The following SPRY3 variants were observed in gnomAD, a reference collection of about 807,000 sequenced individuals.
The protein encoded by SPRY3 is protein sprouty homolog 3.
Under a neutral mutation model 20.2 loss-of-function variants are expected in SPRY3, and 15 were observed. That is an observed-to-expected ratio of 0.74 (90% CI 0.50 to 1.14). The LOEUF (loss-of-function observed/expected upper bound fraction) is 1.14. Ranked by LOEUF, SPRY3 falls within the 50% of genes most tolerant of loss-of-function variation. The probability of loss-of-function intolerance (pLI) is 0.00; values close to 1 mark genes in which losing one functional copy is unlikely to be tolerated. For synonymous variants in SPRY3, 143 were observed against 136.5 expected, an observed-to-expected ratio of 1.05 and a Z score of -0.33; for missense variants, 364 against 363.9, an observed-to-expected ratio of 1.00 and a Z score of 0.00.
Position 155,774,842 on chromosome X carries a change from T to G in SPRY3, c.*104T>G, listed in dbSNP as rs2091413357. The G allele has an allele frequency of 3.0e-6, 4 of 1,329,562 alleles. No individual in the cohort carries two copies. The Admixed American group carries it at 9.1e-5, about 30-fold the overall frequency. 82.4% of individuals were successfully genotyped at this position (1,329,562 alleles called of 1,614,324 possible). ...GGAGGAGTGATAAACTAGCCAAAGT[T>G]AGGGCCTCTCTTTTGTTCCTGCAGT... On this transcript the variant is annotated 3_prime_UTR_variant, in exon 4 of 4. Transcript: ENST00000675360.
intron 1 of SPRY3, among the ~76,000 whole-genome samples, chrX:155,645,745 T>C (rs2067955768): frequency 8.9e-6 from 1 of 112,215 alleles, no homozygotes; most frequent in Non-Finnish European, 1.9e-5. Flanking sequence ...TCCTATTCTC[T>C]TTAGTGCCTC....
chrX:155,715,676 T>A (rs186289258), intron 2 of SPRY3, among the ~76,000 whole-genome samples: 1 of 151,118 alleles, frequency 6.6e-6, no homozygotes, highest in Non-Finnish European at 1.5e-5. Flanking sequence ...TCATGTCCTT[T>A]CAAGGACCCT....
chrX:155,729,961 T>C (rs1056674652), intron 2 of SPRY3, among the ~76,000 whole-genome samples: 4 of 152,090 alleles, frequency 2.6e-5, no homozygotes, highest in African/African-American at 7.2e-5. Context: ...CTAGAATAAA[T>C]AGATAAATTC....
At chrX:155,773,307 G>GTTATATAT (rs4013148) in intron 3 of SPRY3, among the ~76,000 whole-genome samples, 2,178 of 120,606 alleles carry the variant, frequency 0.018, 47 homozygotes, top group East Asian at 0.034. Flanking sequence ...ATTTTGATTG[G>GTTATATAT]ATATATATAT....
chrX:155,753,431 C>A (rs1450375039), intron 2 of SPRY3, among the ~76,000 whole-genome samples: 1 of 151,830 alleles, frequency 6.6e-6, no homozygotes, highest in African/African-American at 2.4e-5. Flanking sequence ...GTGCTTCGTC[C>A]TTTTGTGTCT....
chrX:155,690,663 C>A (rs973605294), intron 2 of SPRY3, among the ~76,000 whole-genome samples: 2 of 87,113 alleles, frequency 2.3e-5, no homozygotes, highest in Admixed American at 1.2e-4. Flanking sequence ...TATATATTCA[C>A]CCAATACAGG....
chrX:155,614,592 A>G (rs1015188363), intron 1 of SPRY3, among the ~76,000 whole-genome samples: 6 of 111,817 alleles, frequency 5.4e-5, no homozygotes, highest in Admixed American at 9.5e-5. Context: ...AGGCACAGAT[A>G]GGTTAAGCAA....
exon 4 of SPRY3, chrX:155,774,128 G>A: frequency 6.2e-6 from 10 of 1,613,980 alleles, no homozygotes; most frequent in Non-Finnish European, 6.8e-6. Context: ...AGCATTGCCA[G>A]CTCAATGTCC....
downstream of SPRY3, chrX:155,779,754 A>C (rs2091452578): frequency 6.0e-6 from 1 of 167,022 alleles, no homozygotes; most frequent in African/African-American, 2.4e-5. Flanking sequence ...CTTTTTAAAA[A>C]ATATTTCAGC....
intron 2 of SPRY3, among the ~76,000 whole-genome samples, chrX:155,673,647 TTCTGCCTTG>T (rs2068050847): frequency 8.9e-6 from 1 of 112,250 alleles, no homozygotes; most frequent in African/African-American, 3.2e-5. Flanking sequence ...TCTCATCCAT[TTCTGCCTTG>T]CTTGGGCACC....
chrX:155,738,878 A>T (rs1218532826), intron 2 of SPRY3, among the ~76,000 whole-genome samples: 3 of 152,144 alleles, frequency 2.0e-5, no homozygotes, highest in African/African-American at 7.2e-5. Context: ...TCATTTGTAC[A>T]TTCCCCTAGG....
chrX:155,635,308 C>G (rs1213996381), intron 1 of SPRY3, among the ~76,000 whole-genome samples: 1 of 111,130 alleles, frequency 9.0e-6, no homozygotes, highest in Non-Finnish European at 1.9e-5. Flanking sequence ...TGGGCTGCTT[C>G]CAAGTCTTTG....
At chrX:155,776,162 G>A (rs1689695239) in exon 4 of SPRY3, 1 of 167,024 alleles carries the variant, frequency 6.0e-6, no homozygotes, top group African/African-American at 2.4e-5. Flanking sequence ...TAGTTAGTGT[G>A]GTGGTCTTTC....
At chrX:155,776,755 A>G (rs2091429222) in exon 4 of SPRY3, 1 of 166,982 alleles carries the variant, frequency 6.0e-6, no homozygotes, top group South Asian at 2.1e-4. Context: ...CACGGGGGGA[A>G]GAGGGGACCT....
At chrX:155,650,817 G>A (rs1252852439) in intron 1 of SPRY3, among the ~76,000 whole-genome samples, 1 of 111,778 alleles carries the variant, frequency 8.9e-6, no homozygotes, top group African/African-American at 3.3e-5. Flanking sequence ...GCACTATGAA[G>A]ATACTAGACC....
chrX:155,706,041 C>A (rs1454050678), intron 2 of SPRY3, among the ~76,000 whole-genome samples: 1 of 151,220 alleles, frequency 6.6e-6, no homozygotes, highest in East Asian at 1.9e-4. Context: ...AAACATTCCA[C>A]CCAACAAAAG....
chrX:155,757,209 C>A (rs2091286748), intron 2 of SPRY3, among the ~76,000 whole-genome samples: 1 of 152,122 alleles, frequency 6.6e-6, no homozygotes, highest in African/African-American at 2.4e-5. Flanking sequence ...TACTACTAAT[C>A]TTCCCTCACC....
At chrX:155,758,234 C>A (rs1003620666) in intron 2 of SPRY3, among the ~76,000 whole-genome samples, 1 of 152,098 alleles carries the variant, frequency 6.6e-6, no homozygotes, top group African/African-American at 2.4e-5. Flanking sequence ...ATTGCCTTAC[C>A]TTAAGTATGT....
chrX:155,657,060 G>A (rs1163475011), intron 2 of SPRY3, among the ~76,000 whole-genome samples: 27 of 111,678 alleles, frequency 2.4e-4, no homozygotes, highest in African/African-American at 8.5e-4. Flanking sequence ...GTCTCTCCCA[G>A]TCAGGAGGCA....
Sources: allele counts gnomAD v4.1 joint callset (sites outside exome capture counted in the v4.1 genomes callset), GRCh38; gene constraint gnomAD v4.1.1; transcripts MANE v1.5; gene names NCBI Gene and HGNC (gene_info 2026-07-23, HGNC 2026-07-21).